Variants in PCDHGA12 observed in about 807,000 individuals in gnomAD.
PCDHGA12 encodes the protein protocadherin gamma subfamily A, 12.
In PCDHGA12, 43 loss-of-function variants were observed where a neutral mutation model predicts 61.1. The ratio of observed to expected loss-of-function variants is 0.70; its 90% CI spans 0.55 to 0.91. The LOEUF is 0.91. Among genes scored for constraint, PCDHGA12 ranks in the 40% least tolerant of loss-of-function variants. The pLI is 0.00. For missense variants in PCDHGA12, 1,236 were observed against 1,227.7 expected, an observed-to-expected ratio of 1.01 and a Z score of -0.10; for synonymous variants, 520 against 542.9, an observed-to-expected ratio of 0.96 and a Z score of 0.59.
intron 3 of PCDHGA12, among the ~76,000 whole-genome samples, chr5:141,506,833 C>A (rs1462038297): frequency 1.3e-5 from 2 of 152,092 alleles, no homozygotes; most frequent in African/African-American, 4.8e-5. Context: ...AACTGATAGC[C>A]CTGCCCTCCA....
chr5:141,453,288 A>ATTAT (rs577328880), intron 1 of PCDHGA12, among the ~76,000 whole-genome samples: 1,792 of 151,444 alleles, frequency 0.012, 41 homozygotes, highest in African/African-American at 0.034. Context: ...TAATTTTTTA[A>ATTAT]TTATTTATTT....
chr5:141,466,686 T>G (rs112499949), intron 1 of PCDHGA12, among the ~76,000 whole-genome samples: 2 of 152,352 alleles, frequency 1.3e-5, no homozygotes, highest in African/African-American at 4.8e-5. Flanking sequence ...CCACTCAAGC[T>G]TCATCATAAA....
chr5:141,490,065 C>A lies in PCDHGA12; in HGVS notation c.2425-4742C>A, dbSNP rs1161257597. ...CTGATCCAGACGAGGGCACCAACGG[C>A]CAACTAGACTATTCTTTTGGAGACC... On this transcript the variant is annotated intron_variant, in intron 1 of 3. Coordinates refer to ENST00000252085, the MANE Select transcript of PCDHGA12 (RefSeq NM_003735.3). This position sits in a 1 kb window ranked among gnomAD's most constrained non-coding sequence, Gnocchi z 5.4. 1 of 1,614,258 alleles carries A rather than the reference C, an allele frequency of 6.2e-7. No individual in the cohort carries two copies. Among genetic ancestry groups the A allele is most frequent in the South Asian group, 1.1e-5 (1 of 91,090 alleles).
Position 141,432,492 on chromosome 5 carries a change from C to A in PCDHGA12, c.1733C>A (p.Ala578Asp). Residue 578 changes from alanine (A) to aspartate (D), a missense_variant, in exon 1 of 4, where the codon GCT becomes GAT. Transcript: ENST00000252085. The surrounding 1 kb of genome is among the most constrained non-coding windows in gnomAD (Gnocchi z 6.0). ...GACGGTTCCACTGGCGTGGAGCTGG[C>A]TCCCCGCTCCGCAGAGCCCGGCTAC... ...PTDGSTGVEL[A>D]PRSAEPGYLV... is the part of the protein sequence containing the mutation. 6.2e-7 allele frequency: 1 copy of A among 1,614,168 alleles called. No individual in the cohort carries two copies. Among genetic ancestry groups the A allele is most frequent in the Admixed American group, 1.7e-5 (1 of 60,034 alleles).
rs2098680935 is a variant in PCDHGA12, at chr5:141,450,471, G to A, written c.2424+17288G>A. 2.0e-5 allele frequency among the ~76,000 whole-genome samples: 3 copies of A among 147,910 alleles called. No homozygotes were observed. In the South Asian group the frequency reaches 6.2e-4, roughly 31 times the overall value. ...GTTTCCTCGTGATTTTATATATAGA[G>A]TTTGTTTGTTTGTTTGTCTGTTTGT... On this transcript the variant is annotated intron_variant, in intron 1 of 3. Transcript: ENST00000252085.
intron 1 of PCDHGA12, among the ~76,000 whole-genome samples, chr5:141,463,505 G>A (rs1213601894): frequency 7.3e-6 from 1 of 137,472 alleles, no homozygotes; most frequent in Non-Finnish European, 1.5e-5. Flanking sequence ...CTGGAGTGAC[G>A]TGGCGTGATC....
In PCDHGA12 at chr5:141,477,590, C is replaced by T. The variant is rs1465863595; in HGVS notation, c.2425-17217C>T. On this transcript the variant is annotated intron_variant, in intron 1 of 3. Coordinates refer to ENST00000252085, the MANE Select transcript of PCDHGA12 (RefSeq NM_003735.3). This position sits in a 1 kb window ranked among gnomAD's most constrained non-coding sequence, Gnocchi z 4.9. ...CCCCGACGCCCCGCAGAATGCTCGG[C>T]TTTCTTTCTTTCTCTTGGAGCAAGG... The T allele has an allele frequency of 1.2e-6, 2 of 1,614,122 alleles. No individual in the cohort carries two copies. Among genetic ancestry groups the T allele is most frequent in the South Asian group, 2.2e-5 (2 of 91,080 alleles).
At chr5:141,473,402 T>C (rs1019157713) in intron 1 of PCDHGA12, among the ~76,000 whole-genome samples, 7 of 152,224 alleles carry the variant, frequency 4.6e-5, no homozygotes, top group Non-Finnish European at 7.3e-5. Flanking sequence ...CTTCTTTTTT[T>C]CTTCTTCAGT....
intron 1 of PCDHGA12, among the ~76,000 whole-genome samples, chr5:141,434,935 T>C (rs952530533): frequency 6.6e-6 from 1 of 151,788 alleles, no homozygotes; most frequent in Non-Finnish European, 1.5e-5. Flanking sequence ...TTTTATATAA[T>C]AGATATAATT....
At position 141,463,977 on chromosome 5, in the gene PCDHGA12, T is replaced by C. The variant is rs948698340; in HGVS notation, c.2424+30794T>C. On this transcript the variant is annotated intron_variant, in intron 1 of 3. Coordinates refer to ENST00000252085, the MANE Select transcript of PCDHGA12 (RefSeq NM_003735.3). ...TTTAAAATAGCTTCATAAAACTCCA[T>C]TGTAAAAACCAGGTGCAGTGGCTCA... Among the ~76,000 whole-genome samples the C allele has an allele frequency of 2.6e-5, 4 of 152,258 alleles. 1 individual carries two copies. The highest frequency in any genetic ancestry group is 4.4e-5 in the Non-Finnish European group (3 of 68,004).
chr5:141,506,380 T>C (rs1209879935), intron 3 of PCDHGA12, among the ~76,000 whole-genome samples: 1 of 141,314 alleles, frequency 7.1e-6, no homozygotes, highest in Non-Finnish European at 1.5e-5. Flanking sequence ...ACCTGGGAGG[T>C]GGCTGTGGTG....
chr5:141,494,929 GGA>G, intron 2 of PCDHGA12, 64 bp downstream of exon 2: 1 of 1,613,142 alleles, frequency 6.2e-7, no homozygotes, highest in Non-Finnish European at 8.5e-7. Flanking sequence ...TGACGTGGGA[GGA>G]GATGGGGGAG....
chr5:141,477,258 C>A lies in PCDHGA12; in HGVS notation c.2425-17549C>A. ...TTGCTCAGTGTGACTGACCTGGATG[C>A]TGGCGAGAACGGGCTGGTGACCTGC... On this transcript the variant is annotated intron_variant, in intron 1 of 3. Coordinates refer to ENST00000252085, the MANE Select transcript of PCDHGA12 (RefSeq NM_003735.3). The surrounding 1 kb of genome is among the most constrained non-coding windows in gnomAD (Gnocchi z 4.9). 6.2e-7 allele frequency: 1 copy of A among 1,614,208 alleles called. No homozygotes were observed. Among genetic ancestry groups the A allele is most frequent in the Non-Finnish European group, 8.5e-7 (1 of 1,180,042 alleles).
chr5:141,433,843 A>C (rs2097657951), intron 1 of PCDHGA12, among the ~76,000 whole-genome samples: 1 of 151,956 alleles, frequency 6.6e-6, no homozygotes, highest in African/African-American at 2.4e-5. Context: ...ATCTCAAAAA[A>C]AAAAAAAAAA....
Position 141,432,604 on chromosome 5 carries a change from A to T in PCDHGA12, c.1845A>T (p.Gly615=), listed in dbSNP as rs774164351. ...SYRLLKASEP[G]LFSVGLHTGE... ...GTCTGCTCAAGGCCAGCGAGCCGGG[A>T]CTCTTCTCGGTGGGTCTGCACACGG... The change falls in exon 1 of 4, where the codon GGA becomes GGT. Residue 615 remains glycine, a synonymous_variant. Coordinates refer to ENST00000252085, the MANE Select transcript of PCDHGA12 (RefSeq NM_003735.3). The surrounding 1 kb of genome is among the most constrained non-coding windows in gnomAD (Gnocchi z 6.0). 1.2e-6 allele frequency: 2 copies of T among 1,610,530 alleles called. No homozygotes were observed. The highest frequency in any genetic ancestry group is 1.7e-6 in the Non-Finnish European group (2 of 1,179,274).
chr5:141,511,359 T>C lies in PCDHGA12; in HGVS notation c.*186T>C. The stretch of plus-strand genomic sequence containing the variant: ...CACCTACCCCTTCCCCCCCAGGGGG[T>C]TGAATATGCAAAAGCAGTTCCGCTG... On this transcript the variant is annotated 3_prime_UTR_variant, in exon 4 of 4. Coordinates refer to ENST00000252085, the MANE Select transcript of PCDHGA12 (RefSeq NM_003735.3). The C allele has an allele frequency of 2.2e-6, 3 of 1,339,338 alleles. No homozygotes were observed. In the South Asian group the frequency reaches 4.6e-5, roughly 20 times the overall value. The allele number at this position is 1,339,338 out of a possible 1,614,324, so 83.0% of individuals were successfully genotyped here. A position where few individuals can be genotyped will look rare whatever the true frequency, so the allele number is the denominator to read the frequency against.
chr5:141,466,928 T>TTAG (rs1231908662), intron 1 of PCDHGA12, among the ~76,000 whole-genome samples: 1 of 152,220 alleles, frequency 6.6e-6, no homozygotes, highest in Non-Finnish European at 1.5e-5. Context: ...ATTAGGAATA[T>TTAG]TAGTCCTTTG....
chr5:141,491,714 C>T lies in PCDHGA12; in HGVS notation c.2425-3093C>T, dbSNP rs1321811999. 2 of 1,608,744 alleles carry T rather than the reference C, an allele frequency of 1.2e-6. No individual in the cohort carries two copies. Among genetic ancestry groups the T allele is most frequent in the Non-Finnish European group, 1.7e-6 (2 of 1,177,916 alleles). The stretch of plus-strand genomic sequence containing the variant: ...GAGCGGAGCCAGGTGAGGGGCTCGG[C>T]GCCGCCCCGGGCGACCCCTGGGGGC... On this transcript the variant is annotated intron_variant, in intron 1 of 3. Coordinates refer to ENST00000252085, the MANE Select transcript of PCDHGA12 (RefSeq NM_003735.3). The surrounding 1 kb of genome is among the most constrained non-coding windows in gnomAD (Gnocchi z 6.9).
intron 2 of PCDHGA12, among the ~76,000 whole-genome samples, chr5:141,500,666 G>A (rs567881941): frequency 3.6e-4 from 55 of 152,250 alleles, no homozygotes; most frequent in African/African-American, 1.3e-3. Context: ...AGGCCATACT[G>A]TCCAACAGAA....
Sources: allele counts gnomAD v4.1 joint callset (sites outside exome capture counted in the v4.1 genomes callset), GRCh38; gene constraint gnomAD v4.1.1; non-coding constraint Gnocchi (gnomAD v3.1); transcripts MANE v1.5; gene names NCBI Gene and HGNC (gene_info 2026-07-23, HGNC 2026-07-21).